LRIG3: variants seen among roughly 807,000 people sequenced by gnomAD.
LRIG3 encodes leucine-rich repeats and immunoglobulin-like domains protein 3.
A neutral mutation model predicts 114.5 loss-of-function variants in LRIG3; 76 were observed. That is an observed-to-expected ratio of 0.66 (90% CI 0.55 to 0.80). LRIG3 has a LOEUF of 0.80. Ranked by LOEUF, LRIG3 falls within the 30% of genes least tolerant of loss-of-function variation. LRIG3 has a pLI of 0.00. For synonymous variants in LRIG3, 512 were observed against 519.8 expected, an observed-to-expected ratio of 0.98 and a Z score of 0.20; for missense variants, 1,239 against 1,382.8, an observed-to-expected ratio of 0.90 and a Z score of 1.65.
chr12:58,909,684 C>T (rs1451884978), intron 3 of LRIG3, among the ~76,000 whole-genome samples: 1 of 152,236 alleles, frequency 6.6e-6, no homozygotes, highest in African/African-American at 2.4e-5. Context: ...TAGACATCAG[C>T]ATTATTCTCA....
chr12:58,891,014 C>A (rs1239806531), intron 3 of LRIG3, among the ~76,000 whole-genome samples: 2 of 152,058 alleles, frequency 1.3e-5, no homozygotes, highest in East Asian at 3.8e-4. Context: ...CTATATAAAT[C>A]TGGGGTTCTG....
At chr12:58,898,522 C>T (rs938082160) in intron 3 of LRIG3, among the ~76,000 whole-genome samples, 1 of 152,362 alleles carries the variant, frequency 6.6e-6, no homozygotes, top group Admixed American at 6.5e-5. Flanking sequence ...TCTTTCTTGG[C>T]TTGCTCCTTC....
intron 3 of LRIG3, among the ~76,000 whole-genome samples, chr12:58,906,243 C>T (rs568162509): frequency 6.6e-6 from 1 of 152,104 alleles, no homozygotes; most frequent in Non-Finnish European, 1.5e-5. Flanking sequence ...CTGATGACCA[C>T]TTTTCAAATA....
chr12:58,877,524 T>TCCGTCATCGTCTAACGATGGGG lies in LRIG3; in HGVS notation c.2390_2411dup (p.Trp805ProfsTer6). ...TGATCACGACACCCACAGTGGCCCA[T>TCCGTCATCGTCTAACGATGGGG]CCGTCATCGTCTAACGATGGGGCTG... On this transcript the variant is annotated stop_gained and frameshift_variant, in exon 15 of 19. Coordinates refer to ENST00000320743, the MANE Select transcript of LRIG3 (RefSeq NM_153377.5). LOFTEE classifies it high-confidence loss of function. The TCCGTCATCGTCTAACGATGGGG allele has an allele frequency of 6.2e-7, 1 of 1,614,160 alleles. No individual in the cohort carries two copies. Among genetic ancestry groups the TCCGTCATCGTCTAACGATGGGG allele is most frequent in the South Asian group, 1.1e-5 (1 of 91,078 alleles).
At position 58,890,702 on chromosome 12, in the gene LRIG3, G is replaced by T; in HGVS notation, c.478C>A (p.Leu160Ile). The change falls in exon 4 of 19, where the codon CTC becomes ATC. Residue 160 changes from leucine to isoleucine, a missense_variant. Coordinates refer to ENST00000320743, the MANE Select transcript of LRIG3 (RefSeq NM_153377.5). ...LDLSSNNISELQTAFPALQLK... is the reference protein window; with the variant it reads ...LDLSSNNISEIQTAFPALQLK... ...TGTAGGGCTGGAAATGCAGTTTGGAGCTCTGAAATATTGTTGCTGCTAAGG... is the reference window on the plus strand; with the variant it reads ...TGTAGGGCTGGAAATGCAGTTTGGATCTCTGAAATATTGTTGCTGCTAAGG... The T allele has an allele frequency of 6.2e-7, 1 of 1,607,564 alleles. No homozygotes were observed. Among genetic ancestry groups the T allele is most frequent in the Non-Finnish European group, 8.5e-7 (1 of 1,177,396 alleles).
At position 58,874,377 on chromosome 12, in the gene LRIG3, T is replaced by C. The variant is rs749629687; in HGVS notation, c.2840-47A>G. 9.3e-6 allele frequency: 15 copies of C among 1,610,366 alleles called. No individual in the cohort carries two copies. The African/African-American group carries it at 2.0e-4, about 22-fold the overall frequency. On this transcript the variant is annotated intron_variant, in intron 17 of 18. Coordinates refer to ENST00000320743, the MANE Select transcript of LRIG3 (RefSeq NM_153377.5). ...ACAGAAGGAGATTACAGTTAGCACA[T>C]CTAGAAGTCTCTCTAAGAAACAGAA...
chr12:58,912,811 T>A (rs1872335217), intron 3 of LRIG3, among the ~76,000 whole-genome samples: 1 of 152,214 alleles, frequency 6.6e-6, no homozygotes, highest in African/African-American at 2.4e-5. Flanking sequence ...CCATTTAGAT[T>A]CTAAAATTTT....
Position 58,888,476 on chromosome 12 carries a change from C to A in LRIG3, c.804-4G>T. 1 of 1,611,854 alleles carries A rather than the reference C, an allele frequency of 6.2e-7. No individual in the cohort carries two copies. The highest frequency in any genetic ancestry group is 8.5e-7 in the Non-Finnish European group (1 of 1,178,188). ...TAGGTTGTTATGGTCCAGCTGCCTA[C>A]ATTTACAGTAAGAATCAAAAGCAGG... On this transcript the variant is annotated splice_region_variant and splice_polypyrimidine_tract_variant and intron_variant, in intron 6 of 18. Coordinates refer to ENST00000320743, the MANE Select transcript of LRIG3 (RefSeq NM_153377.5).
chr12:58,898,406 G>A (rs1188763116), intron 3 of LRIG3, among the ~76,000 whole-genome samples: 1 of 152,160 alleles, frequency 6.6e-6, no homozygotes, highest in African/African-American at 2.4e-5. Flanking sequence ...TCATACAACT[G>A]CATCATGTAA....
chr12:58,907,999 T>C (rs1178408419), intron 3 of LRIG3, among the ~76,000 whole-genome samples: 1 of 152,178 alleles, frequency 6.6e-6, no homozygotes, highest in Non-Finnish European at 1.5e-5. Context: ...TCCTTGGGAT[T>C]CTACAATAAC....
chr12:58,905,032 T>C (rs982981454), intron 3 of LRIG3, among the ~76,000 whole-genome samples: 4 of 152,134 alleles, frequency 2.6e-5, no homozygotes, highest in Non-Finnish European at 5.9e-5. Flanking sequence ...CAGTGGGAAA[T>C]ACGTATGCAA....
At position 58,887,878 on chromosome 12, in the gene LRIG3, T is replaced by G; in HGVS notation, c.1002A>C (p.Leu334=). ...SRLDDSSFLG[L]SLLNTLHIGN... is the part of the protein sequence containing the mutation. The stretch of plus-strand genomic sequence containing the variant: ...CAATGTGCAGTGTATTTAGTAAGCT[T>G]AGGCCAAGGAAGCTTGAATCATCTA... Residue 334 remains leucine, a synonymous_variant, in exon 8 of 19, where the codon CTA becomes CTC. Transcript: ENST00000320743. 1 of 1,613,908 alleles carries G rather than the reference T, an allele frequency of 6.2e-7. No individual in the cohort carries two copies. Among genetic ancestry groups the G allele is most frequent in the Non-Finnish European group, 8.5e-7 (1 of 1,179,878 alleles).
intron 3 of LRIG3, among the ~76,000 whole-genome samples, chr12:58,908,753 G>A (rs1413204207): frequency 2.6e-5 from 4 of 152,132 alleles, no homozygotes; most frequent in African/African-American, 7.2e-5. Flanking sequence ...TCTGAATTAC[G>A]CTAAGTGCAG....
In LRIG3 at chr12:58,920,225, G is replaced by A. The variant is rs1240389651; in HGVS notation, c.11C>T (p.Pro4Leu). 2.9e-6 allele frequency: 4 copies of A among 1,385,650 alleles called. No individual in the cohort carries two copies. In the Middle Eastern group the frequency reaches 7.8e-4, roughly 271 times the overall value. The allele number at this position is 1,385,650 out of a possible 1,614,324, so 85.8% of individuals were successfully genotyped here. ...CCCCGCGGCGCGCGCACGGAGGCTC[G>A]GCGCGCTCATCGCGGTCCAGCGGCC... MSA[P>L]SLRARAAGLG... is the part of the protein sequence containing the mutation. Residue 4 changes from proline to leucine, a missense_variant, in exon 1 of 19, where the codon CCG (proline) becomes CTG (leucine). Pro to Leu is a moderately conservative substitution (Grantham distance 98, BLOSUM62 -3). Transcript: ENST00000320743.
chr12:58,918,601 C>T (rs1278636764), intron 1 of LRIG3, among the ~76,000 whole-genome samples: 3 of 152,170 alleles, frequency 2.0e-5, no homozygotes, highest in Admixed American at 1.3e-4. Context: ...TAAGTGTTCA[C>T]CTCCAGTCAT....
rs138240406 is a variant in LRIG3 at position 58,900,888 on chromosome 12, G to C, written c.384-10092C>G. ...TGTGGTGACAATTATCACATAGGCA[G>C]GTGAGTTCACATCCTTTGTCTTTAT... On this transcript the variant is annotated intron_variant, in intron 3 of 18. Coordinates refer to ENST00000320743, the MANE Select transcript of LRIG3 (RefSeq NM_153377.5). 2.6e-4 allele frequency among the ~76,000 whole-genome samples: 40 copies of C among 152,340 alleles called. No individual in the cohort carries two copies. The East Asian group carries it at 7.1e-3, about 27-fold the overall frequency.
Position 58,890,588 on chromosome 12 carries a change from A to G in LRIG3, c.515+77T>C. ...AATCCATCAGTAGTAAAGTAGACAAAGTTTGTTATATCTTATTTTTTCATT... is the reference window on the plus strand; with the variant it reads ...AATCCATCAGTAGTAAAGTAGACAAGGTTTGTTATATCTTATTTTTTCATT... On this transcript the variant is annotated intron_variant, in intron 4 of 18. Transcript: ENST00000320743. 7.2e-6 allele frequency: 10 copies of G among 1,384,798 alleles called. No individual in the cohort carries two copies. In the South Asian group the frequency reaches 1.3e-4, roughly 18 times the overall value. The allele number at this position is 1,384,798 out of a possible 1,614,324, so 85.8% of individuals were successfully genotyped here.
intron 1 of LRIG3, 108 bp downstream of exon 1, chr12:58,919,892 C>T: frequency 8.8e-7 from 1 of 1,132,970 alleles, no homozygotes. Flanking sequence ...CCAGAAGGAG[C>T]TATACGGCAA....
At chr12:58,910,022 G>C (rs901153748) in intron 3 of LRIG3, among the ~76,000 whole-genome samples, 2 of 152,032 alleles carry the variant, frequency 1.3e-5, no homozygotes, top group African/African-American at 4.8e-5. Flanking sequence ...TACATGTTTC[G>C]GTGTCCTACC....
Sources: allele counts gnomAD v4.1 joint callset (sites outside exome capture counted in the v4.1 genomes callset), GRCh38; gene constraint gnomAD v4.1.1; transcripts MANE v1.5; gene names NCBI Gene and HGNC (gene_info 2026-07-23, HGNC 2026-07-21).